MID1: variants seen among roughly 807,000 people sequenced by gnomAD.
MID1 encodes E3 ubiquitin-protein ligase Midline-1.
Under a neutral mutation model 40.4 loss-of-function variants are expected in MID1, and 7 were observed. The ratio of observed to expected loss-of-function variants is 0.17; its 90% CI spans 0.10 to 0.33. MID1 has a LOEUF of 0.33. Ranked by LOEUF, MID1 falls within the 10% of genes least tolerant of loss-of-function variation. MID1 has a pLI of 1.00. For missense variants in MID1, 367 were observed against 558.5 expected (o/e 0.66, Z 3.46); for synonymous variants, 229 against 221.2 (o/e 1.04, Z -0.31).
chrX:10,706,606 T>C (rs777961169), intron 1 of MID1, among the ~76,000 whole-genome samples: 5 of 111,439 alleles, frequency 4.5e-5, no homozygotes, highest in Admixed American at 9.6e-5. Context: ...TCCACTATGA[T>C]TGTAAGTTTC....
At chrX:10,704,704 ATG>A (rs200165129) in intron 1 of MID1, among the ~76,000 whole-genome samples, 9,186 of 80,359 alleles carry the variant, frequency 0.11, 1,037 homozygotes, top group African/African-American at 0.32. Context: ...ATATATATGC[ATG>A]TGTGTGTGTG....
At chrX:10,611,326 G>GA (rs1351361969) in intron 1 of MID1, among the ~76,000 whole-genome samples, 1 of 111,922 alleles carries the variant, frequency 8.9e-6, no homozygotes, top group Non-Finnish European at 1.9e-5. Flanking sequence ...TTAAATGACA[G>GA]AAAAAAATGT....
intron 1 of MID1, among the ~76,000 whole-genome samples, chrX:10,760,680 G>A (rs1477084334): frequency 1.8e-5 from 2 of 111,255 alleles, no homozygotes; most frequent in Non-Finnish European, 1.9e-5. Flanking sequence ...AAATTAGCTG[G>A]ATGTTATGGT....
rs1428979190 is a variant in MID1, at chrX:10,483,889, C to T, written c.865-1261G>A. Among the ~76,000 whole-genome samples the T allele has an allele frequency of 2.7e-5, 3 of 111,905 alleles. No homozygotes were observed. The Admixed American group carries it at 2.8e-4, about 11-fold the overall frequency. On this transcript the variant is annotated intron_variant, in intron 4 of 9. Coordinates refer to ENST00000317552, the MANE Select transcript of MID1 (RefSeq NM_000381.4). ...TTCATACTGAATTAGAAGCAGCAGG[C>T]ACAAGATTTCAGGCAAGGGTGAAAA...
intron 8 of MID1, among the ~76,000 whole-genome samples, chrX:10,455,950 T>G (rs896177441): frequency 8.9e-6 from 1 of 112,238 alleles, no homozygotes; most frequent in Non-Finnish European, 1.9e-5. Flanking sequence ...AATTCAATAT[T>G]GGTTTGGAGT....
At chrX:10,572,167 C>CTA (rs1286898637) in intron 1 of MID1, among the ~76,000 whole-genome samples, 2 of 87,995 alleles carry the variant, frequency 2.3e-5, no homozygotes, top group Non-Finnish European at 2.1e-5. Context: ...CTCTCTCTCT[C>CTA]TATATATATA....
At chrX:10,526,043 A>G (rs1481744370) in intron 2 of MID1, among the ~76,000 whole-genome samples, 1 of 112,171 alleles carries the variant, frequency 8.9e-6, no homozygotes, top group Non-Finnish European at 1.9e-5. Context: ...TTTATCTGTA[A>G]TTCTCATGTG....
intron 1 of MID1, among the ~76,000 whole-genome samples, chrX:10,696,602 T>C (rs2043165433): frequency 8.9e-6 from 1 of 112,151 alleles, no homozygotes; most frequent in East Asian, 2.8e-4. Context: ...TTGAGGTTGC[T>C]GCAGACCCAT....
intron 1 of MID1, among the ~76,000 whole-genome samples, chrX:10,790,304 G>C (rs12009645): frequency 0.049 from 5,287 of 108,836 alleles, 292 homozygotes; most frequent in African/African-American, 0.16. Flanking sequence ...CCACGCCCAG[G>C]TAATTTTTTT....
rs1251108483 is a variant in MID1, at chrX:10,765,932, GGAAAGGAAAGGAAA to G, written c.-187+67608_-187+67621del. On this transcript the variant is annotated intron_variant, in intron 1 of 10. Coordinates refer to the MID1 transcript ENST00000380785. ...AAAAGAAAGAAAGAAAGAAAGGAAAGGAAAGGAAAGGAAAGAAAGAAAGAAAGAAAGAAAGAAAG... is the reference window on the plus strand; with the variant it reads ...AAAAGAAAGAAAGAAAGAAAGGAAAGGAAAGAAAGAAAGAAAGAAAGAAAG... 4.4e-3 allele frequency among the ~76,000 whole-genome samples: 314 copies of G among 70,793 alleles called. 1 individual carries two copies. Among genetic ancestry groups the G allele is most frequent in the African/African-American group, 0.019 (303 of 15,879 alleles). 61.5% of individuals were successfully genotyped at this position (70,793 alleles called of 115,157 possible).
chrX:10,503,408 A>T (rs934135125), intron 3 of MID1, among the ~76,000 whole-genome samples: 7 of 112,273 alleles, frequency 6.2e-5, no homozygotes, highest in African/African-American at 2.3e-4. Context: ...TGAATGAGAG[A>T]GAGAGAGAAT....
chrX:10,483,182 A>AT (rs1311329734), intron 4 of MID1, among the ~76,000 whole-genome samples: 1 of 112,080 alleles, frequency 8.9e-6, no homozygotes, highest in African/African-American at 3.2e-5. Context: ...GAAAGGGAGC[A>AT]TTTTTCCCAT....
chrX:10,524,509 G>T (rs1277066471), intron 2 of MID1, among the ~76,000 whole-genome samples: 2 of 112,484 alleles, frequency 1.8e-5, no homozygotes, highest in African/African-American at 6.5e-5. Flanking sequence ...TGCAGGCCAC[G>T]TGTTGGACAA....
chrX:10,702,495 T>A (rs2043199057), intron 1 of MID1, among the ~76,000 whole-genome samples: 1 of 112,570 alleles, frequency 8.9e-6, no homozygotes, highest in African/African-American at 3.2e-5. Context: ...CTTAAAAAAT[T>A]TAAATCACAT....
chrX:10,489,034 C>T (rs1190258458), intron 4 of MID1, among the ~76,000 whole-genome samples: 1 of 111,567 alleles, frequency 9.0e-6, no homozygotes, highest in African/African-American at 3.3e-5. Flanking sequence ...ACATCATCCA[C>T]ACCTCTTCTT....
At chrX:10,510,352 C>G (rs1462048976) in intron 3 of MID1, among the ~76,000 whole-genome samples, 1 of 111,475 alleles carries the variant, frequency 9.0e-6, no homozygotes, top group Non-Finnish European at 1.9e-5. Flanking sequence ...CAATCCTCAC[C>G]CCTATGAGGA....
chrX:10,578,462 AAAT>A (rs1934928509), intron 1 of MID1, among the ~76,000 whole-genome samples: 1 of 112,534 alleles, frequency 8.9e-6, no homozygotes, highest in African/African-American at 3.2e-5. Flanking sequence ...CCTCAAGAGA[AAAT>A]GATAAACAAC....
chrX:10,511,802 G>C (rs1446877391), intron 3 of MID1, among the ~76,000 whole-genome samples: 1 of 112,348 alleles, frequency 8.9e-6, no homozygotes, highest in Non-Finnish European at 1.9e-5. Context: ...GAGATATCTT[G>C]GGGATAGGAC....
At chrX:10,571,616 G>C in intron 1 of MID1, among the ~76,000 whole-genome samples, 1 of 109,484 alleles carries the variant, frequency 9.1e-6, no homozygotes, top group Middle Eastern at 4.7e-3. Context: ...CATTCCGAGA[G>C]AGAAAATATG....
Sources: gnomAD v4.1 joint callset for allele counts (sites outside exome capture counted in the v4.1 genomes callset) on GRCh38, gnomAD v4.1.1 for gene constraint, MANE v1.5 for transcripts, NCBI Gene and HGNC (gene_info 2026-07-23, HGNC 2026-07-21) for gene names.